The following DNAJC1 variants were observed in gnomAD, a reference collection of about 807,000 sequenced individuals.
The protein encoded by DNAJC1 is DnaJ heat shock protein family (Hsp40) member C1.
A neutral mutation model predicts 76.6 loss-of-function variants in DNAJC1; 58 were observed. The observed-to-expected ratio is 0.76, with a 90% confidence interval of 0.61 to 0.94. DNAJC1 has a LOEUF of 0.94. Ranked by LOEUF, DNAJC1 falls within the 40% of genes least tolerant of loss-of-function variation. The probability of loss-of-function intolerance (pLI) is 0.00; values close to 1 mark genes in which losing one functional copy is unlikely to be tolerated. For missense variants in DNAJC1, 689 were observed against 677.3 expected, an observed-to-expected ratio of 1.02 and a Z score of -0.19; for synonymous variants, 258 against 267.9, an observed-to-expected ratio of 0.96 and a Z score of 0.36.
At chr10:21,810,040 C>T (rs1834939674) in intron 8 of DNAJC1, among the ~76,000 whole-genome samples, 2 of 151,992 alleles carry the variant, frequency 1.3e-5, no homozygotes, top group African/African-American at 2.4e-5. Context: ...TTTAGGGCCC[C>T]ACCCTTCCGA....
chr10:21,851,168 T>C (rs1835745574), intron 8 of DNAJC1, among the ~76,000 whole-genome samples: 1 of 152,156 alleles, frequency 6.6e-6, no homozygotes, highest in Non-Finnish European at 1.5e-5. Flanking sequence ...AATTAAAAAC[T>C]TTTGTGCATG....
At chr10:21,975,193 G>A (rs1169930455) in intron 1 of DNAJC1, among the ~76,000 whole-genome samples, 1 of 152,094 alleles carries the variant, frequency 6.6e-6, no homozygotes, top group Non-Finnish European at 1.5e-5. Flanking sequence ...GTTGCAGCAA[G>A]TTCTGAGAAT....
chr10:21,771,484 G>A (rs1298151063), intron 9 of DNAJC1, among the ~76,000 whole-genome samples: 1 of 151,962 alleles, frequency 6.6e-6, no homozygotes, highest in Non-Finnish European at 1.5e-5. Flanking sequence ...TAGTGCAAGG[G>A]TGTTGGGTTT....
intron 1 of DNAJC1, among the ~76,000 whole-genome samples, chr10:22,003,009 T>C (rs1838547487): frequency 6.6e-6 from 1 of 152,082 alleles, no homozygotes; most frequent in Non-Finnish European, 1.5e-5. Context: ...GGGCTGGGAC[T>C]AGAAAAGTTG....
intron 8 of DNAJC1, among the ~76,000 whole-genome samples, chr10:21,820,134 C>A (rs1408511071): frequency 6.6e-6 from 1 of 152,136 alleles, no homozygotes; most frequent in Non-Finnish European, 1.5e-5. Flanking sequence ...CACTAATTTA[C>A]TTTCTGTCTC....
chr10:21,834,206 G>A (rs1463240969), intron 8 of DNAJC1, among the ~76,000 whole-genome samples: 2 of 152,132 alleles, frequency 1.3e-5, no homozygotes, highest in African/African-American at 2.4e-5. Flanking sequence ...GGAGCTTGCA[G>A]TGAGCTGAGA....
At chr10:21,950,423 C>T (rs746877930) in intron 1 of DNAJC1, among the ~76,000 whole-genome samples, 3 of 152,016 alleles carry the variant, frequency 2.0e-5, no homozygotes, top group Non-Finnish European at 4.4e-5. Context: ...ACTGATCCGA[C>T]GACCAGCTGT....
intron 9 of DNAJC1, among the ~76,000 whole-genome samples, chr10:21,790,683 A>C (rs1258206540): frequency 6.6e-6 from 1 of 152,184 alleles, no homozygotes; most frequent in Non-Finnish European, 1.5e-5. Context: ...GATGATAATC[A>C]CCATCATGAA....
chr10:21,837,595 C>G (rs527547188), intron 8 of DNAJC1, among the ~76,000 whole-genome samples: 1 of 151,366 alleles, frequency 6.6e-6, no homozygotes, highest in Admixed American at 6.6e-5. Context: ...CCTCTCTGCC[C>G]GGCCGCCCCA....
rs1834216040 is a variant in DNAJC1, at chr10:21,759,479, G to A, written c.1287C>T (p.Asp429=). ...GVAAEEEQEG[D]SGEQETGATD... ...TGGCCCCGGTCTCCTGCTCACCGGA[G>A]TCTCCCTCCTGCTCCTCCTCCGCTG... Residue 429 remains aspartate, a synonymous_variant, in exon 11 of 12, where the codon GAC becomes GAT. Transcript: ENST00000376980. 1 of 1,614,170 alleles carries A rather than the reference G, an allele frequency of 6.2e-7. No individual in the cohort carries two copies. Among genetic ancestry groups the A allele is most frequent in the African/African-American group, 1.3e-5 (1 of 75,050 alleles).
At chr10:21,846,359 T>A (rs2131683812) in intron 8 of DNAJC1, among the ~76,000 whole-genome samples, 1 of 152,248 alleles carries the variant, frequency 6.6e-6, no homozygotes, top group South Asian at 2.1e-4. Context: ...CAAAAATCAT[T>A]TAATATGGCA....
At chr10:21,908,270 T>TTATA (rs796675388) in intron 6 of DNAJC1, among the ~76,000 whole-genome samples, 74 of 111,620 alleles carry the variant, frequency 6.6e-4, no homozygotes, top group South Asian at 1.7e-3. Context: ...TATATATATT[T>TTATA]TATATATATA....
chr10:21,763,895 C>T (rs1044333585), intron 10 of DNAJC1, among the ~76,000 whole-genome samples: 11 of 152,098 alleles, frequency 7.2e-5, no homozygotes, highest in East Asian at 1.9e-4. Context: ...CCTTGGGAAA[C>T]GTTGGTGCCC....
chr10:21,819,358 G>A (rs1247265239), intron 8 of DNAJC1, among the ~76,000 whole-genome samples: 2 of 151,814 alleles, frequency 1.3e-5, no homozygotes, highest in African/African-American at 4.8e-5. Flanking sequence ...CCGAGATCAC[G>A]CCACTGCACT....
At chr10:21,907,429 C>T (rs1836765203) in intron 6 of DNAJC1, among the ~76,000 whole-genome samples, 1 of 152,006 alleles carries the variant, frequency 6.6e-6, no homozygotes, top group African/African-American at 2.4e-5. Context: ...CTAAACAACT[C>T]TACATTGTTT....
intron 1 of DNAJC1, among the ~76,000 whole-genome samples, chr10:21,947,796 T>G (rs1425219966): frequency 6.6e-6 from 1 of 152,252 alleles, no homozygotes; most frequent in Non-Finnish European, 1.5e-5. Context: ...AATTTTATTA[T>G]GTAATAGCTG....
At chr10:21,902,145 G>A (rs577371812) in intron 7 of DNAJC1, among the ~76,000 whole-genome samples, 1 of 152,260 alleles carries the variant, frequency 6.6e-6, no homozygotes, top group South Asian at 2.1e-4. Flanking sequence ...TCACAGCATA[G>A]TATGAGGAAT....
intron 6 of DNAJC1, among the ~76,000 whole-genome samples, chr10:21,908,115 TATATATAATATATA>T (rs1391460348): frequency 1.9e-5 from 2 of 106,866 alleles, no homozygotes; most frequent in South Asian, 4.7e-4. Context: ...ATATAAAATA[TATATATAATATATA>T]ATATATAAAA....
At chr10:21,969,066 A>C (rs1837934291) in intron 1 of DNAJC1, among the ~76,000 whole-genome samples, 2 of 151,972 alleles carry the variant, frequency 1.3e-5, no homozygotes, top group African/African-American at 2.4e-5. Context: ...TCTACTAAAA[A>C]TTTAAAAATT....
Sources: allele counts gnomAD v4.1 joint callset (sites outside exome capture counted in the v4.1 genomes callset), GRCh38; gene constraint gnomAD v4.1.1; transcripts MANE v1.5; gene names NCBI Gene and HGNC (gene_info 2026-07-23, HGNC 2026-07-21).